Variants in ZNF264 observed in about 807,000 individuals in gnomAD.
ZNF264 encodes zinc finger protein 264.
Under a neutral mutation model 11.2 loss-of-function variants are expected in ZNF264, and 11 were observed. The ratio of observed to expected loss-of-function variants is 0.98; its 90% confidence interval spans 0.62 to 1.63. The LOEUF is 1.63. Among genes scored for constraint, ZNF264 ranks in the 40% most tolerant of loss-of-function variants. The pLI is 0.00. For synonymous variants in ZNF264, 309 were observed against 279.8 expected (o/e 1.10, Z -1.04); for missense variants, 752 against 768.1 (o/e 0.98, Z 0.25).
Position 57,222,594 on chromosome 19 carries a change from C to CAT in ZNF264, c.*9613_*9614insAT, listed in dbSNP as rs2087426577. The CAT allele has an allele frequency of 1.4e-5, 2 of 144,464 alleles. No individual in the cohort carries two copies. Among genetic ancestry groups the CAT allele is most frequent in the Admixed American group, 1.4e-4 (2 of 14,342 alleles). The allele number at this position is 144,464 out of a possible 1,614,324, so 8.9% of individuals were successfully genotyped here. ...CTACACACACACACACACATATACA[C>CAT]GTGTATGAATATATATATATGGCTA... On this transcript the variant is annotated 3_prime_UTR_variant, in exon 4 of 4. Coordinates refer to ENST00000263095, the MANE Select transcript of ZNF264 (RefSeq NM_003417.5).
intron 2 of ZNF264, among the ~76,000 whole-genome samples, chr19:57,203,613 T>C (rs911215442): frequency 2.0e-5 from 3 of 152,196 alleles, no homozygotes; most frequent in African/African-American, 7.2e-5. Flanking sequence ...TGAGAGTAGA[T>C]ACTATTTGAT....
Position 57,212,505 on chromosome 19 carries a change from C to T in ZNF264, c.1408C>T (p.Leu470Phe), listed in dbSNP as rs2087347431. 1 of 1,613,902 alleles carries T rather than the reference C, an allele frequency of 6.2e-7. No homozygotes were observed. Among genetic ancestry groups the T allele is most frequent in the Admixed American group, 1.7e-5 (1 of 59,986 alleles). The change falls in exon 4 of 4, where the codon CTC becomes TTC. Residue 470 changes from leucine to phenylalanine, a missense_variant. By Grantham distance (22) the Leu-to-Phe change is conservative (BLOSUM62 0). Coordinates refer to ENST00000263095, the MANE Select transcript of ZNF264 (RefSeq NM_003417.5). ...GAAAGCCTTTAGCAATCGGAAGGACCTCATTCGCCACTTCAGCATCCACAC... is the reference window on the plus strand; with the variant it reads ...GAAAGCCTTTAGCAATCGGAAGGACTTCATTCGCCACTTCAGCATCCACAC... ...CGKAFSNRKD[L>F]IRHFSIHTGE... is the part of the protein sequence containing the mutation.
rs2087352320 is a variant in ZNF264 at position 57,212,913 on chromosome 19, G to A, written c.1816G>A (p.Glu606Lys). The A allele has an allele frequency of 1.2e-6, 2 of 1,614,198 alleles. No individual in the cohort carries two copies. Among genetic ancestry groups the A allele is most frequent in the Non-Finnish European group, 1.7e-6 (2 of 1,180,020 alleles). The change falls in exon 4 of 4, where the codon GAG becomes AAG. Residue 606 changes from glutamate to lysine, a missense_variant. Transcript: ENST00000263095. ...AACCACTGAGGCAAATATTTTGCCA[G>A]AGGAAACATCTTCCTCTGCATCTGA... ...NVTTEANILP[E>K]ETSSSASDQP...
chr19:57,197,633 C>T (rs1023333696), intron 2 of ZNF264, among the ~76,000 whole-genome samples: 2 of 151,978 alleles, frequency 1.3e-5, no homozygotes, highest in Admixed American at 1.3e-4. Context: ...TCAAAACTGG[C>T]AGCCATTTGG....
At chr19:57,202,230 C>A (rs767792875) in intron 2 of ZNF264, among the ~76,000 whole-genome samples, 9 of 151,668 alleles carry the variant, frequency 5.9e-5, no homozygotes, top group South Asian at 4.2e-4. Context: ...AAATTTGTAC[C>A]CATGGGATTT....
chr19:57,200,985 G>T (rs2087249136), intron 2 of ZNF264, among the ~76,000 whole-genome samples: 1 of 151,646 alleles, frequency 6.6e-6, no homozygotes, highest in African/African-American at 2.4e-5. Flanking sequence ...TATATGATTT[G>T]TTATAAACAT....
chr19:57,211,304 C>T (rs1297682472), intron 3 of ZNF264, 50 bp from the exon 4 acceptor site: 2 of 1,472,616 alleles, frequency 1.4e-6, no homozygotes, highest in Admixed American at 2.3e-5. Flanking sequence ...ATTCTTTTTT[C>T]CATGTTGTCC....
intron 2 of ZNF264, among the ~76,000 whole-genome samples, chr19:57,199,236 A>G (rs1426126875): frequency 6.6e-6 from 1 of 151,950 alleles, no homozygotes; most frequent in Non-Finnish European, 1.5e-5. Context: ...TAGGTGAGTG[A>G]CTGAAATTCC....
chr19:57,193,854 T>C (rs780255038), intron 1 of ZNF264, 21 bp from the exon 2 acceptor site: 2 of 1,613,674 alleles, frequency 1.2e-6, no homozygotes, highest in East Asian at 2.2e-5. Flanking sequence ...CCAATACTAC[T>C]AATTCTGTTT....
At position 57,213,664 on chromosome 19, in the gene ZNF264, T is replaced by C. The variant is rs1163883767; in HGVS notation, c.*683T>C. ...GTAAAGTGATTCTTCTTTGCTCTTA[T>C]TTAAAATCGACAGCATTTCTAGTTC... On this transcript the variant is annotated 3_prime_UTR_variant, in exon 4 of 4. Coordinates refer to ENST00000263095, the MANE Select transcript of ZNF264 (RefSeq NM_003417.5). 2 of 152,244 alleles carry C rather than the reference T, an allele frequency of 1.3e-5. No homozygotes were observed. Among genetic ancestry groups the C allele is most frequent in the African/African-American group, 4.8e-5 (2 of 41,468 alleles). The allele number at this position is 152,244 out of a possible 1,614,324, so 9.4% of individuals were successfully genotyped here. A position where few individuals can be genotyped will look rare whatever the true frequency, so the allele number is the denominator to read the frequency against.
chr19:57,202,824 C>T (rs1237774163), intron 2 of ZNF264, among the ~76,000 whole-genome samples: 5 of 151,772 alleles, frequency 3.3e-5, no homozygotes, highest in East Asian at 1.9e-4. Flanking sequence ...AAGAGGGGGT[C>T]GCGGGAACCC....
rs2087392090 is a variant in ZNF264, at chr19:57,217,919, G to C, written c.*4938G>C. 6.6e-6 allele frequency: 1 copy of C among 150,936 alleles called. No homozygotes were observed. Among genetic ancestry groups the C allele is most frequent in the South Asian group, 2.1e-4 (1 of 4,780 alleles). The allele number at this position is 150,936 out of a possible 1,614,324, so 9.3% of individuals were successfully genotyped here. ...CGATTCTCCTGCCTCAGCCTCCTGA[G>C]TAGCTGGGATTACAGGTGTGCGCCG... is the stretch of plus-strand genomic sequence containing the variant. On this transcript the variant is annotated 3_prime_UTR_variant, in exon 4 of 4. Coordinates refer to ENST00000263095, the MANE Select transcript of ZNF264 (RefSeq NM_003417.5).
chr19:57,211,386 A>T lies in ZNF264; in HGVS notation c.289A>T (p.Thr97Ser), dbSNP rs761170388. ...AGGAAAACCTAAGACCACAGAACCT[A>T]CCACTTGTGAGCCAGCCTTGTCAGA... ...DKGKPKTTEP[T>S]TCEPALSEGI... Residue 97 changes from threonine to serine, a missense_variant, in exon 4 of 4, where the codon ACC (threonine) becomes TCC (serine). Coordinates refer to ENST00000263095, the MANE Select transcript of ZNF264 (RefSeq NM_003417.5). 6.8e-5 allele frequency: 110 copies of T among 1,613,770 alleles called. No individual in the cohort carries two copies. Among genetic ancestry groups the T allele is most frequent in the Non-Finnish European group, 8.6e-5 (102 of 1,179,860 alleles).
In ZNF264 at chr19:57,211,515, T is replaced by G; in HGVS notation, c.418T>G (p.Phe140Val). 6.2e-7 allele frequency: 1 copy of G among 1,614,000 alleles called. No homozygotes were observed. The highest frequency in any genetic ancestry group is 8.5e-7 in the Non-Finnish European group (1 of 1,179,984). Residue 140 changes from phenylalanine (F) to valine (V), a missense_variant, in exon 4 of 4, where the codon TTC becomes GTC. Coordinates refer to ENST00000263095, the MANE Select transcript of ZNF264 (RefSeq NM_003417.5). ...DGLSEMQEGH[F>V]RPGIDPQEKS... ...GCTATCAGAAATGCAGGAAGGACAC[T>G]TCAGACCAGGAATAGATCCCCAGGA...
At chr19:57,207,564 T>G (rs2087302431) in intron 3 of ZNF264, among the ~76,000 whole-genome samples, 1 of 148,864 alleles carries the variant, frequency 6.7e-6, no homozygotes, top group Non-Finnish European at 1.5e-5. Context: ...TTTTTTTTTT[T>G]TTAGAGTCTC....
At chr19:57,199,269 A>G (rs1312470878) in intron 2 of ZNF264, among the ~76,000 whole-genome samples, 1 of 151,988 alleles carries the variant, frequency 6.6e-6, no homozygotes, top group Non-Finnish European at 1.5e-5. Flanking sequence ...TGGCAATTAC[A>G]GGGCTCTTCA....
chr19:57,194,995 G>C (rs1811807600), intron 2 of ZNF264: 3 of 385,188 alleles, frequency 7.8e-6, no homozygotes, highest in Admixed American at 9.0e-5. Flanking sequence ...CAAGTGTTTG[G>C]AGCTAGGGAC....
intron 1 of ZNF264, among the ~76,000 whole-genome samples, chr19:57,192,974 G>A (rs928210216): frequency 1.3e-5 from 2 of 151,934 alleles, no homozygotes; most frequent in Non-Finnish European, 2.9e-5. Flanking sequence ...CAAGCGATCC[G>A]CCCACCTCGA....
chr19:57,199,044 C>G (rs1003774734), intron 2 of ZNF264, among the ~76,000 whole-genome samples: 8 of 151,888 alleles, frequency 5.3e-5, no homozygotes, highest in Non-Finnish European at 1.0e-4. Context: ...AGTTTCATTT[C>G]TGGGAACACT....
Sources: gnomAD v4.1 joint callset for allele counts (sites outside exome capture counted in the v4.1 genomes callset) on GRCh38, gnomAD v4.1.1 for gene constraint, MANE v1.5 for transcripts, NCBI Gene and HGNC (gene_info 2026-07-23, HGNC 2026-07-21) for gene names.